NUP35: variants seen among roughly 807,000 people sequenced by gnomAD.
NUP35 encodes nucleoporin NUP35.
A neutral mutation model predicts 41.5 loss-of-function variants in NUP35; 25 were observed. That is an observed-to-expected ratio of 0.60 (90% CI 0.44 to 0.84). NUP35 has a LOEUF of 0.84. NUP35 is among the 40% of genes least tolerant of loss of function. The probability of loss-of-function intolerance (pLI) is 0.00; values close to 1 mark genes in which losing one functional copy is unlikely to be tolerated. For missense variants in NUP35, 396 were observed against 396.6 expected (o/e 1.00, Z 0.01); for synonymous variants, 149 against 130.7 (o/e 1.14, Z -0.96).
At chr2:183,142,860 G>A (rs1365875113) in intron 4 of NUP35, among the ~76,000 whole-genome samples, 2 of 151,448 alleles carry the variant, frequency 1.3e-5, no homozygotes, top group Admixed American at 6.6e-5. Flanking sequence ...TAGAAATATA[G>A]CATTCTCTTC....
At chr2:183,128,795 G>A (rs1475492625) in intron 2 of NUP35, among the ~76,000 whole-genome samples, 1 of 152,022 alleles carries the variant, frequency 6.6e-6, no homozygotes, top group Non-Finnish European at 1.5e-5. Context: ...AAAAAATTAA[G>A]CAATGTGTCT....
Position 183,128,341 on chromosome 2 carries a change from C to T in NUP35, c.95C>T (p.Ala32Val), listed in dbSNP as rs933346109. Reference protein sequence around the residue: ...SPTSPKPGVNAQFLPGFLMGD... With the variant: ...SPTSPKPGVNVQFLPGFLMGD... Reference sequence around the variant, plus strand: ...ACATCTCCAAAGCCAGGAGTTAATGCCCAGTTCTTACCTGGATTTTTAATG... The same window carrying T: ...ACATCTCCAAAGCCAGGAGTTAATGTCCAGTTCTTACCTGGATTTTTAATG... Residue 32 changes from alanine (A) to valine (V), a missense_variant, in exon 2 of 9, where the codon GCC becomes GTC. Physicochemically the swap from Ala to Val is moderately conservative, Grantham distance 64. Transcript: ENST00000295119. The T allele has an allele frequency of 6.2e-7, 1 of 1,613,752 alleles. No individual in the cohort carries two copies. Among genetic ancestry groups the T allele is most frequent in the Admixed American group, 1.7e-5 (1 of 59,998 alleles).
intron 2 of NUP35, among the ~76,000 whole-genome samples, chr2:183,129,643 G>A (rs1398870551): frequency 1.3e-5 from 2 of 152,286 alleles, no homozygotes; most frequent in East Asian, 3.9e-4. Context: ...GTAGGTAATA[G>A]TATCCCCATC....
At chr2:183,146,466 C>T (rs564031335) in intron 4 of NUP35, among the ~76,000 whole-genome samples, 21 of 152,262 alleles carry the variant, frequency 1.4e-4, no homozygotes, top group African/African-American at 5.1e-4. Flanking sequence ...ACAAGATGTT[C>T]AAATAGTACT....
chr2:183,135,833 A>C (rs1684856001), intron 4 of NUP35, among the ~76,000 whole-genome samples: 1 of 152,124 alleles, frequency 6.6e-6, no homozygotes, highest in Admixed American at 6.5e-5. Context: ...ACTGCACTCC[A>C]GCTTGGGTGA....
chr2:183,125,837 A>G lies in NUP35; in HGVS notation c.40+1340A>G, dbSNP rs77914987. Among the ~76,000 whole-genome samples the G allele has an allele frequency of 6.1e-3, 930 of 152,350 alleles. 7 individuals are homozygous for G. Among genetic ancestry groups the G allele is most frequent in the African/African-American group, 0.021 (884 of 41,580 alleles). On this transcript the variant is annotated intron_variant, in intron 1 of 8. Transcript: ENST00000295119. ...TGTAGTAAAACTAAGGGTTGACTTC[A>G]ACAAACTGCTAGCTGAGTACGTATC...
chr2:183,119,557 G>A (rs1700037622), upstream of NUP35, among the ~76,000 whole-genome samples: 1 of 152,114 alleles, frequency 6.6e-6, no homozygotes, highest in Non-Finnish European at 1.5e-5. Flanking sequence ...CTAGGCAGAG[G>A]GTTGATGTGA....
intron 4 of NUP35, among the ~76,000 whole-genome samples, chr2:183,144,205 A>T (rs538505904): frequency 6.6e-6 from 1 of 152,294 alleles, no homozygotes; most frequent in African/African-American, 2.4e-5. Context: ...CTTCAGGGAG[A>T]TGTGTTATCC....
intron 1 of NUP35, 133 bp downstream of exon 1, chr2:183,124,630 C>G: frequency 8.4e-7 from 1 of 1,184,444 alleles, no homozygotes; most frequent in South Asian, 1.3e-5. Flanking sequence ...CTTGGGTGCC[C>G]CCAAGTTCAT....
chr2:183,141,400 TC>T (rs1685092702), intron 4 of NUP35, among the ~76,000 whole-genome samples: 1 of 152,234 alleles, frequency 6.6e-6, no homozygotes, highest in Non-Finnish European at 1.5e-5. Context: ...TGGAGGGCTG[TC>T]ATTTAGCCAG....
chr2:183,137,220 G>GAAC (rs1684906220), intron 4 of NUP35, among the ~76,000 whole-genome samples: 1 of 152,140 alleles, frequency 6.6e-6, no homozygotes, highest in Admixed American at 6.5e-5. Flanking sequence ...AATTAGTGCT[G>GAAC]AACAGCCTTA....
At chr2:183,123,195 T>A (rs1403429416), upstream of NUP35, among the ~76,000 whole-genome samples, 1 of 152,194 alleles carries the variant, frequency 6.6e-6, no homozygotes, top group East Asian at 1.9e-4. Context: ...GGTACTTTGA[T>A]TTTAGCCCTA....
At chr2:183,144,223 G>A (rs147302546) in intron 4 of NUP35, among the ~76,000 whole-genome samples, 122 of 152,260 alleles carry the variant, frequency 8.0e-4, no homozygotes, top group African/African-American at 2.6e-3. Flanking sequence ...TCCTCCCAGC[G>A]TCAATGTATG....
At chr2:183,150,702 A>AT (rs1685442454) in intron 4 of NUP35, among the ~76,000 whole-genome samples, 1 of 151,878 alleles carries the variant, frequency 6.6e-6, no homozygotes, top group Admixed American at 6.6e-5. Flanking sequence ...ATAGGGATGG[A>AT]TTTTTTGTTT....
At chr2:183,148,660 C>T (rs1365294837) in intron 4 of NUP35, among the ~76,000 whole-genome samples, 1 of 151,926 alleles carries the variant, frequency 6.6e-6, no homozygotes, top group East Asian at 1.9e-4. Context: ...TCAAATATAT[C>T]TATAGATATA....
At chr2:183,151,738 G>A in intron 5 of NUP35, 89 bp downstream of exon 5, 1 of 1,286,576 alleles carries the variant, frequency 7.8e-7, no homozygotes, top group South Asian at 1.4e-5. Context: ...ATGGAAAGAA[G>A]TGCATAGCAA....
At chr2:183,129,345 G>C (rs923344240) in intron 2 of NUP35, among the ~76,000 whole-genome samples, 1 of 152,200 alleles carries the variant, frequency 6.6e-6, no homozygotes, top group Admixed American at 6.5e-5. Flanking sequence ...TTTTAACTGA[G>C]TAGTGAGAAT....
At chr2:183,130,650 T>C (rs1371820774) in intron 3 of NUP35, 105 bp downstream of exon 3, 2 of 1,205,546 alleles carry the variant, frequency 1.7e-6, no homozygotes, top group Non-Finnish European at 2.4e-6. Flanking sequence ...TCTGTTTTAA[T>C]GTAACTGTGT....
Position 183,161,173 on chromosome 2 carries a change from G to A in NUP35, c.*42G>A. On this transcript the variant is annotated 3_prime_UTR_variant, in exon 9 of 9. Coordinates refer to ENST00000295119, the MANE Select transcript of NUP35 (RefSeq NM_138285.5). ...AGGTTGCTACACTAAAACAGAGTTA[G>A]CAGAGTGCTGCTGGTTCCTTCGGTT... The A allele has an allele frequency of 1.4e-6, 2 of 1,434,262 alleles. No individual in the cohort carries two copies. Among genetic ancestry groups the A allele is most frequent in the Non-Finnish European group, 2.0e-6 (2 of 1,020,616 alleles). The allele number at this position is 1,434,262 out of a possible 1,614,324, so 88.8% of individuals were successfully genotyped here. A position where few individuals can be genotyped will look rare whatever the true frequency, so the allele number is the denominator to read the frequency against.
Sources: allele counts gnomAD v4.1 joint callset (sites outside exome capture counted in the v4.1 genomes callset), GRCh38; gene constraint gnomAD v4.1.1; transcripts MANE v1.5; gene names NCBI Gene and HGNC (gene_info 2026-07-23, HGNC 2026-07-21).